Variants in LOXL2 observed in about 807,000 individuals in gnomAD.
LOXL2 encodes the protein lysyl oxidase homolog 2.
Under a neutral mutation model 93.0 loss-of-function variants are expected in LOXL2, and 70 were observed. That is an observed-to-expected ratio of 0.75 (90% CI 0.62 to 0.92). LOXL2 has a LOEUF of 0.92. Among genes scored for constraint, LOXL2 ranks in the 40% least tolerant of loss-of-function variants. LOXL2 has a pLI of 0.00. For missense variants in LOXL2, 973 were observed against 1,054.9 expected (o/e 0.92, Z 1.08); for synonymous variants, 438 against 413.2 (o/e 1.06, Z -0.73).
chr8:23,341,134 C>T lies in LOXL2; in HGVS notation c.601G>A (p.Val201Met), dbSNP rs745926908. ...TTCACCTCCACGTAGCCCTCCATCACTGGGGTGCGCTTGCGGTAGGTTGAG... is the reference window on the plus strand; with the variant it reads ...TTCACCTCCACGTAGCCCTCCATCATTGGGGTGCGCTTGCGGTAGGTTGAG... ...ILSTYRKRTP[V>M]MEGYVEVKEG... Residue 201 changes from valine to methionine, a missense_variant, in exon 4 of 14, where the codon GTG becomes ATG. Transcript: ENST00000389131. 1.5e-5 allele frequency: 24 copies of T among 1,613,866 alleles called. No individual in the cohort carries two copies. Among genetic ancestry groups the T allele is most frequent in the Non-Finnish European group, 1.7e-6 (2 of 1,180,040 alleles).
chr8:23,312,494 T>C (rs1803334344), intron 9 of LOXL2, among the ~76,000 whole-genome samples: 1 of 127,832 alleles, frequency 7.8e-6, no homozygotes, highest in African/African-American at 3.1e-5. Context: ...GCTGGTTCAA[T>C]ATACGCAAAT....
chr8:23,326,582 C>T (rs574913581), intron 6 of LOXL2, among the ~76,000 whole-genome samples: 20 of 152,228 alleles, frequency 1.3e-4, no homozygotes, highest in African/African-American at 4.8e-4. Flanking sequence ...GGTGAAACCC[C>T]GTCTTTACTA....
chr8:23,369,197 C>T (rs1432960602), intron 1 of LOXL2, among the ~76,000 whole-genome samples: 3 of 152,154 alleles, frequency 2.0e-5, no homozygotes, highest in Non-Finnish European at 2.9e-5. Flanking sequence ...ATAATTTTCC[C>T]GTCAGCTTTG....
chr8:23,340,987 C>T lies in LOXL2; in HGVS notation c.743+5G>A. 1 of 1,613,440 alleles carries T rather than the reference C, an allele frequency of 6.2e-7. No individual in the cohort carries two copies. The highest frequency in any genetic ancestry group is 8.5e-7 in the Non-Finnish European group (1 of 1,179,392). On this transcript the variant is annotated splice_donor_5th_base_variant and intron_variant, in intron 4 of 13. Transcript: ENST00000389131. ...AAAGCCACCCCTTTGGTGCAGTCCT[C>T]TTACTTGTACACTTTGGTATTGTAT...
chr8:23,402,207 G>A (rs986685032), intron 1 of LOXL2, among the ~76,000 whole-genome samples: 13 of 151,876 alleles, frequency 8.6e-5, no homozygotes, highest in Middle Eastern at 3.4e-3. Context: ...ACACACCTGT[G>A]TGCGCATATA....
In LOXL2 at chr8:23,328,402, G is replaced by T; in HGVS notation, c.1130C>A (p.Thr377Asn). 1 of 1,614,014 alleles carries T rather than the reference G, an allele frequency of 6.2e-7. No individual in the cohort carries two copies. Among genetic ancestry groups the T allele is most frequent in the Non-Finnish European group, 8.5e-7 (1 of 1,180,012 alleles). ...CTTACCTTGCCCCAGTCGGGAGCCA[G>T]TGACTGCCTCTTTGGCACTCCCAAA... Reference protein sequence around the residue: ...LGFGSAKEAVTGSRLGQGIGP... With the variant: ...LGFGSAKEAVNGSRLGQGIGP... The change falls in exon 6 of 14, where the codon ACT (threonine) becomes AAT (asparagine). Residue 377 changes from threonine to asparagine, a missense_variant. Thr to Asn is a moderately conservative substitution (Grantham distance 65). Transcript: ENST00000389131.
chr8:23,318,101 A>G (rs977420684), intron 8 of LOXL2, among the ~76,000 whole-genome samples: 3 of 152,070 alleles, frequency 2.0e-5, no homozygotes, highest in African/African-American at 4.8e-5. Context: ...TTTAATCAGT[A>G]GACTTTGAGT....
chr8:23,332,424 A>C (rs1585354042), intron 5 of LOXL2, among the ~76,000 whole-genome samples: 1 of 122,532 alleles, frequency 8.2e-6, no homozygotes, highest in East Asian at 2.7e-4. Flanking sequence ...CCACACACCC[A>C]CAAACACACC....
At chr8:23,314,093 A>G (rs1359450248) in intron 9 of LOXL2, among the ~76,000 whole-genome samples, 1 of 151,990 alleles carries the variant, frequency 6.6e-6, no homozygotes, top group African/African-American at 2.4e-5. Context: ...CCACAATGAG[A>G]TACCATCTCA....
chr8:23,378,678 A>G (rs1490930215), intron 1 of LOXL2, among the ~76,000 whole-genome samples: 1 of 152,054 alleles, frequency 6.6e-6, no homozygotes, highest in Non-Finnish European at 1.5e-5. Context: ...TTCTCGCTTC[A>G]TTTCATTCAT....
In LOXL2 at chr8:23,374,309, A is replaced by G. The variant is rs184063859; in HGVS notation, c.-83-5875T>C. On this transcript the variant is annotated intron_variant, in intron 1 of 13. Coordinates refer to ENST00000389131, the MANE Select transcript of LOXL2 (RefSeq NM_002318.3). ...CTTTTTTATGGCTGCATAGTATTCC[A>G]TGGTGTATATGTGCCACATTTTCTT... 3.5e-4 allele frequency among the ~76,000 whole-genome samples: 54 copies of G among 152,208 alleles called. No homozygotes were observed. In the East Asian group the frequency reaches 0.01, roughly 29 times the overall value.
chr8:23,385,774 T>C, intron 1 of LOXL2: 1 of 587,524 alleles, frequency 1.7e-6, no homozygotes, highest in South Asian at 2.1e-5. Context: ...TAGAATAAAA[T>C]AGATGAAATC....
At chr8:23,334,959 G>C (rs548320471) in intron 4 of LOXL2, among the ~76,000 whole-genome samples, 1 of 152,058 alleles carries the variant, frequency 6.6e-6, no homozygotes, top group Admixed American at 6.6e-5. Context: ...TGGGATTACA[G>C]GTACCTGCCA....
intron 1 of LOXL2, among the ~76,000 whole-genome samples, chr8:23,399,849 A>T (rs1028712585): frequency 6.6e-6 from 1 of 152,188 alleles, no homozygotes; most frequent in Non-Finnish European, 1.5e-5. Context: ...ACAGCCTATT[A>T]GCTAAGGAAA....
chr8:23,332,924 G>T (rs71504407), intron 5 of LOXL2, among the ~76,000 whole-genome samples: 81,955 of 147,260 alleles, frequency 0.56, 23,041 homozygotes, highest in Non-Finnish European at 0.58. Flanking sequence ...CACAGAGGGG[G>T]GGTGTTTCAC....
chr8:23,367,948 C>A (rs773064077), intron 2 of LOXL2, 49 bp downstream of exon 2: 1 of 1,506,610 alleles, frequency 6.6e-7, no homozygotes, highest in Non-Finnish European at 9.1e-7. Flanking sequence ...AAGGCCACTC[C>A]GGGCCTTGCC....
intron 4 of LOXL2, chr8:23,337,149 A>G (rs1017247880): frequency 1.3e-5 from 2 of 152,220 alleles, no homozygotes; most frequent in African/African-American, 2.4e-5. Flanking sequence ...CAACCAGCCA[A>G]CACCACAGGT....
intron 3 of LOXL2, chr8:23,341,564 G>A (rs1408743064): frequency 1.8e-5 from 6 of 335,892 alleles, no homozygotes; most frequent in African/African-American, 4.2e-5. Context: ...GCACAGGAGA[G>A]AAAGTGTTCT....
At chr8:23,354,780 CCT>C (rs1196111958) in intron 3 of LOXL2, among the ~76,000 whole-genome samples, 7 of 151,812 alleles carry the variant, frequency 4.6e-5, no homozygotes, top group African/African-American at 1.7e-4. Flanking sequence ...CCACAATACT[CCT>C]GGCAGGATGT....
Sources: gnomAD v4.1 joint callset for allele counts (sites outside exome capture counted in the v4.1 genomes callset) on GRCh38, gnomAD v4.1.1 for gene constraint, MANE v1.5 for transcripts, NCBI Gene and HGNC (gene_info 2026-07-23, HGNC 2026-07-21) for gene names.